The following DISP3 variants were observed in gnomAD, a reference collection of about 807,000 sequenced individuals.
The protein encoded by DISP3 is protein dispatched homolog 3.
Under a neutral mutation model 135.3 loss-of-function variants are expected in DISP3, and 101 were observed. The ratio of observed to expected loss-of-function variants is 0.75; its 90% CI spans 0.64 to 0.88. The LOEUF is 0.88. Ranked by LOEUF, DISP3 falls within the 40% of genes least tolerant of loss-of-function variation. The probability of loss-of-function intolerance (pLI) is 0.00; values close to 1 mark genes in which losing one functional copy is unlikely to be tolerated. For missense variants in DISP3, 1,713 were observed against 1,878.6 expected (o/e 0.91, Z 1.63); for synonymous variants, 856 against 817.0 (o/e 1.05, Z -0.81).
At position 11,525,248 on chromosome 1, in the gene DISP3, A is replaced by G. The variant is rs1289309943; in HGVS notation, c.2549A>G (p.Asn850Ser). 4 of 1,614,044 alleles carry G rather than the reference A, an allele frequency of 2.5e-6. No individual in the cohort carries two copies. In the South Asian group the frequency reaches 3.3e-5, roughly 13 times the overall value. ...GHPAVYRLSLNASLPAPWQAV... is the reference protein window; with the variant it reads ...GHPAVYRLSLSASLPAPWQAV... ...CCCGCTGTCTACAGGCTCTCCCTCA[A>G]TGCCAGCCTGCCTGCTCCTTGGCAG... The change falls in exon 12 of 21, where the codon AAT (asparagine) becomes AGT (serine). Residue 850 changes from asparagine to serine, a missense_variant. Asn to Ser is a conservative substitution (Grantham distance 46, BLOSUM62 1). This residue lies in a region of DISP3 where 1,142 missense variants were observed against 1,384.6 expected (regional missense o/e 0.82). Coordinates refer to ENST00000294484, the MANE Select transcript of DISP3 (RefSeq NM_020780.2).
At position 11,531,077 on chromosome 1, in the gene DISP3, C is replaced by T; in HGVS notation, c.3229+44C>T. 1 of 1,607,932 alleles carries T rather than the reference C, an allele frequency of 6.2e-7. No homozygotes were observed. Among genetic ancestry groups the T allele is most frequent in the South Asian group, 1.1e-5 (1 of 90,848 alleles). On this transcript the variant is annotated intron_variant, in intron 16 of 20. Transcript: ENST00000294484. This position sits in a 1 kb window ranked among gnomAD's most constrained non-coding sequence, Gnocchi z 5.2. ...GCTGGTTCCTCCGAGGGAGGATGGA[C>T]TGACTGGGGAGGCACAGAGGCCGTG...
chr1:11,531,503 G>A lies in DISP3; in HGVS notation c.3230-62G>A. Reference sequence around the variant, plus strand: ...TATGTGAGTGCGTGGGCACAGGTGTGATGCAGGGGGACAGGCTCTTCCAGG... The same window carrying A: ...TATGTGAGTGCGTGGGCACAGGTGTAATGCAGGGGGACAGGCTCTTCCAGG... On this transcript the variant is annotated intron_variant, in intron 16 of 20. Transcript: ENST00000294484. The surrounding 1 kb of genome is among the most constrained non-coding windows in gnomAD (Gnocchi z 5.2). 1 of 1,609,306 alleles carries A rather than the reference G, an allele frequency of 6.2e-7. No homozygotes were observed. Among genetic ancestry groups the A allele is most frequent in the Non-Finnish European group, 8.5e-7 (1 of 1,177,004 alleles).
chr1:11,508,920 C>G (rs945237900), intron 3 of DISP3, among the ~76,000 whole-genome samples: 3 of 152,092 alleles, frequency 2.0e-5, no homozygotes, highest in African/African-American at 7.2e-5. Context: ...CTGCTCTGAT[C>G]TTTATTATTT....
intron 11 of DISP3, among the ~76,000 whole-genome samples, chr1:11,524,894 C>T (rs1478728597): frequency 7.0e-6 from 1 of 143,438 alleles, no homozygotes; most frequent in Non-Finnish European, 1.5e-5. Flanking sequence ...ATCCCCGTGC[C>T]CACTATCTCC....
At position 11,484,471 on chromosome 1, in the gene DISP3, C is replaced by T. The variant is rs370966801; in HGVS notation, c.-4+5099C>T. Among the ~76,000 whole-genome samples the T allele has an allele frequency of 2.0e-4, 30 of 152,326 alleles. No individual in the cohort carries two copies. The South Asian group carries it at 5.2e-3, about 26-fold the overall frequency. ...TGTACCAGCAGAGGCTGTGTGTCTG[C>T]CAAAACCTGGAAGGAAGAACCCGGT... On this transcript the variant is annotated intron_variant, in intron 1 of 20. Transcript: ENST00000294484.
intron 6 of DISP3, among the ~76,000 whole-genome samples, chr1:11,517,060 C>T (rs1306490938): frequency 6.6e-6 from 1 of 152,222 alleles, no homozygotes; most frequent in African/African-American, 2.4e-5. Context: ...TCCCCAGGGT[C>T]CCTGCCTCCG....
At chr1:11,505,718 G>A (rs1641679004) in intron 3 of DISP3, among the ~76,000 whole-genome samples, 1 of 152,030 alleles carries the variant, frequency 6.6e-6, no homozygotes, top group Admixed American at 6.5e-5. Context: ...TGCATTTATT[G>A]AGCTTCAATT....
rs567265948 is a variant in DISP3, at chr1:11,485,465, G to A, written c.-4+6093G>A. Among the ~76,000 whole-genome samples the A allele has an allele frequency of 3.3e-5, 5 of 152,316 alleles. No homozygotes were observed. The East Asian group carries it at 7.7e-4, about 23-fold the overall frequency. ...TGACTGCCAGCTGGAAGCCACTCCT[G>A]TCGTGAAGGAGGATGTGGTGATCTT... On this transcript the variant is annotated intron_variant, in intron 1 of 20. Transcript: ENST00000294484.
rs117877818 is a variant in DISP3 at position 11,503,907 on chromosome 1, C to T, written c.1316+1010C>T. Among the ~76,000 whole-genome samples, 608 of 152,216 alleles carry T rather than the reference C, an allele frequency of 4.0e-3. 5 individuals carry two copies. The highest frequency in any genetic ancestry group is 0.033 in the East Asian group (171 of 5,176). On this transcript the variant is annotated intron_variant, in intron 3 of 20. Transcript: ENST00000294484. Reference sequence around the variant, plus strand: ...CTAAGAGATGAGCTAACAGATGTGACGGTGCTTTGGGGTGGAAGGTGCTTG... The same window carrying T: ...CTAAGAGATGAGCTAACAGATGTGATGGTGCTTTGGGGTGGAAGGTGCTTG...
At chr1:11,506,127 T>C (rs6702624) in intron 3 of DISP3, among the ~76,000 whole-genome samples, 30,955 of 152,212 alleles carry the variant, frequency 0.2, 3,492 homozygotes, top group East Asian at 0.46. Context: ...AGGCTGTAAA[T>C]CTTTTTTGTT....
At position 11,507,950 on chromosome 1, in the gene DISP3, A is replaced by G. The variant is rs192275658; in HGVS notation, c.1316+5053A>G. On this transcript the variant is annotated intron_variant, in intron 3 of 20. Coordinates refer to ENST00000294484, the MANE Select transcript of DISP3 (RefSeq NM_020780.2). ...ACTCTAACAAAAGGATAGTTAACCT[A>G]TTTAATTCAACAAAGTAGATAATCC... 2.6e-5 allele frequency among the ~76,000 whole-genome samples: 4 copies of G among 152,266 alleles called. No individual in the cohort carries two copies. In the East Asian group the frequency reaches 7.7e-4, roughly 29 times the overall value.
rs964533455 is a variant in DISP3 at position 11,502,088 on chromosome 1, G to A, written c.1096G>A (p.Gly366Ser). The A allele has an allele frequency of 4.5e-6, 7 of 1,546,882 alleles. No homozygotes were observed. The highest frequency in any genetic ancestry group is 4.5e-5 in the East Asian group (2 of 44,190). Residue 366 changes from glycine to serine, a missense_variant and splice_region_variant, in exon 2 of 21, where the codon GGC (glycine) becomes AGC (serine). Around this residue, in one of 2 missense-constraint regions of DISP3, gnomAD observed 1,142 missense variants for 1,384.6 expected, o/e 0.82. Transcript: ENST00000294484. ...GMGQDLADIR[G>S]SLELAMTHPE... ...GGGCCAGGACCTGGCGGACATCCGG[G>A]GTGAGCCGCCGGGATGCTGGGAGGG...
chr1:11,512,918 C>T (rs1004624340), intron 3 of DISP3, among the ~76,000 whole-genome samples: 19 of 152,074 alleles, frequency 1.2e-4, no homozygotes, highest in African/African-American at 4.3e-4. Flanking sequence ...GAGGAAAAAG[C>T]AAAAGCGGAA....
chr1:11,530,459 G>A (rs1012517882), intron 15 of DISP3, among the ~76,000 whole-genome samples: 18 of 152,304 alleles, frequency 1.2e-4, no homozygotes, highest in African/African-American at 3.8e-4. Flanking sequence ...ACAGCCCAGC[G>A]GGGTACACGG....
intron 1 of DISP3, among the ~76,000 whole-genome samples, chr1:11,485,633 GTTC>G (rs1219450517): frequency 1.3e-5 from 2 of 152,168 alleles, no homozygotes; most frequent in Non-Finnish European, 2.9e-5. Context: ...AGATCTCTCT[GTTC>G]TTCGTTGGGG....
Position 11,522,672 on chromosome 1 carries a change from GACCCAGCCAGA to G in DISP3, c.2363-1269_2363-1259del, listed in dbSNP as rs200344842. Among the ~76,000 whole-genome samples the G allele has an allele frequency of 1.4e-3, 169 of 123,392 alleles. 8 individuals carry two copies. Among genetic ancestry groups the G allele is most frequent in the East Asian group, 7.6e-3 (28 of 3,706 alleles). The allele number at this position is 123,392 out of a possible 152,430, so 80.9% of individuals were successfully genotyped here. Reference sequence around the variant, plus strand: ...CAGGGCCCAGCCAGAGCCCAGCCAGGACCCAGCCAGAGCCCAGCCAGGGCCCAGCCAGGACC... The same window carrying G: ...CAGGGCCCAGCCAGAGCCCAGCCAGGGCCCAGCCAGGGCCCAGCCAGGACC... On this transcript the variant is annotated intron_variant, in intron 10 of 20. Transcript: ENST00000294484.
At position 11,501,841 on chromosome 1, in the gene DISP3, C is replaced by A. The variant is rs756605993; in HGVS notation, c.849C>A (p.Gly283=). 2 of 1,611,714 alleles carry A rather than the reference C, an allele frequency of 1.2e-6. No individual in the cohort carries two copies. Among genetic ancestry groups the A allele is most frequent in the Non-Finnish European group, 1.7e-6 (2 of 1,178,922 alleles). The change falls in exon 2 of 21, where the codon GGC becomes GGA. Residue 283 remains glycine, a synonymous_variant. Coordinates refer to ENST00000294484, the MANE Select transcript of DISP3 (RefSeq NM_020780.2). This position sits in a 1 kb window ranked among gnomAD's most constrained non-coding sequence, Gnocchi z 4.9. ...TCGAGCTCATCTTCCTGGCGCGCGG[C>A]GACGCGGAGCGCAACATTTTCACCA... ...WRIELIFLAR[G]DAERNIFTSE... is the part of the protein sequence containing the mutation.
In DISP3 at chr1:11,515,337, C is replaced by CA. The variant is rs758644257; in HGVS notation, c.1454-31dup. On this transcript the variant is annotated intron_variant, in intron 4 of 20. Transcript: ENST00000294484. ...GGTTTGTGTCCCATGAGGGTCCCCC[C>CA]ACCGTCTCCCTGTGTCTCTTACCCT... is the stretch of plus-strand genomic sequence containing the variant. The CA allele has an allele frequency of 4.3e-6, 7 of 1,613,524 alleles. 1 individual carries two copies. In the South Asian group the frequency reaches 7.7e-5, roughly 18 times the overall value.
intron 15 of DISP3, 119 bp downstream of exon 15, chr1:11,530,078 C>A: frequency 1.5e-6 from 2 of 1,376,256 alleles, no homozygotes; most frequent in Non-Finnish European, 2.0e-6. Context: ...CTCAATGGCT[C>A]CTCTAACCCA....
Sources: gnomAD v4.1 joint callset for allele counts (sites outside exome capture counted in the v4.1 genomes callset) on GRCh38, gnomAD v4.1.1 for gene constraint, gnomAD v4.1.1 regional missense constraint, Gnocchi (gnomAD v3.1) non-coding constraint, MANE v1.5 for transcripts, NCBI Gene and HGNC (gene_info 2026-07-23, HGNC 2026-07-21) for gene names.